EYS: variants seen among roughly 807,000 people sequenced by gnomAD.
The protein encoded by EYS is protein eyes shut homolog.
A neutral mutation model predicts 282.1 loss-of-function variants in EYS; 250 were observed. That is an observed-to-expected ratio of 0.89 (90% CI 0.80 to 0.98). The LOEUF (loss-of-function observed/expected upper bound fraction) is 0.98. Among genes scored for constraint, EYS ranks in the 50% least tolerant of loss-of-function variants. The probability of loss-of-function intolerance (pLI) is 0.00; values close to 1 mark genes in which losing one functional copy is unlikely to be tolerated. For synonymous variants in EYS, 1,355 were observed against 1,282.9 expected (o/e 1.06, Z -1.20); for missense variants, 4,016 against 3,709.0 (o/e 1.08, Z -2.15).
chr6:65,206,635 A>G (rs929188098), intron 12 of EYS, among the ~76,000 whole-genome samples: 12 of 151,812 alleles, frequency 7.9e-5, no homozygotes, highest in Non-Finnish European at 1.6e-4. Flanking sequence ...CCTCAACAAA[A>G]TGCAAGTAAA....
chr6:64,779,552 G>A (rs1159113044), intron 22 of EYS, among the ~76,000 whole-genome samples: 2 of 152,072 alleles, frequency 1.3e-5, no homozygotes, highest in African/African-American at 4.8e-5. Flanking sequence ...GTATAATTCT[G>A]TAATGGTGGA....
intron 9 of EYS, among the ~76,000 whole-genome samples, chr6:65,349,289 C>T (rs1770513339): frequency 6.6e-6 from 1 of 151,518 alleles, no homozygotes; most frequent in South Asian, 2.1e-4. Flanking sequence ...CTATACACCA[C>T]TTGTCCAAAC....
intron 2 of EYS, among the ~76,000 whole-genome samples, chr6:65,617,660 T>C (rs1440505241): frequency 2.0e-5 from 3 of 150,880 alleles, no homozygotes; most frequent in African/African-American, 7.3e-5. Context: ...CACTAACTCG[T>C]CATCTAGCAT....
At chr6:64,528,205 C>A (rs2150529919) in intron 26 of EYS, among the ~76,000 whole-genome samples, 1 of 151,850 alleles carries the variant, frequency 6.6e-6, no homozygotes, top group Non-Finnish European at 1.5e-5. Flanking sequence ...TTCACTTTTA[C>A]CACTCTCTTT....
intron 12 of EYS, among the ~76,000 whole-genome samples, chr6:65,157,906 C>A (rs536372641): frequency 6.6e-6 from 1 of 150,700 alleles, no homozygotes; most frequent in Non-Finnish European, 1.5e-5. Context: ...TCATGTATAG[C>A]GTATTGTGCA....
At chr6:65,140,988 C>G (rs1353626895) in intron 12 of EYS, among the ~76,000 whole-genome samples, 1 of 151,768 alleles carries the variant, frequency 6.6e-6, no homozygotes, top group Non-Finnish European at 1.5e-5. Context: ...CATCCCATTA[C>G]TGGGTATAGA....
At chr6:65,078,941 C>A (rs1412736121) in intron 12 of EYS, among the ~76,000 whole-genome samples, 1 of 151,794 alleles carries the variant, frequency 6.6e-6, no homozygotes, top group South Asian at 2.1e-4. Flanking sequence ...ATGTGACATG[C>A]AAGCTCCTGC....
chr6:64,983,378 T>C (rs1426872447), intron 14 of EYS, among the ~76,000 whole-genome samples: 1 of 151,218 alleles, frequency 6.6e-6, no homozygotes, highest in Non-Finnish European at 1.5e-5. Context: ...AGGGTGAATA[T>C]AAGAAATGCG....
At chr6:65,472,143 G>A (rs1191908216) in intron 5 of EYS, among the ~76,000 whole-genome samples, 1 of 152,014 alleles carries the variant, frequency 6.6e-6, no homozygotes, top group Non-Finnish European at 1.5e-5. Context: ...ATATGTATTT[G>A]TTTAATTACT....
At chr6:63,935,951 T>C (rs1219071792) in intron 35 of EYS, among the ~76,000 whole-genome samples, 1 of 152,198 alleles carries the variant, frequency 6.6e-6, no homozygotes, top group East Asian at 1.9e-4. Flanking sequence ...ATTCACCCTG[T>C]TCCCTCTACC....
At chr6:64,040,826 C>T (rs1346650927) in intron 33 of EYS, among the ~76,000 whole-genome samples, 1 of 152,140 alleles carries the variant, frequency 6.6e-6, no homozygotes, top group East Asian at 1.9e-4. Context: ...GCTCCTTATC[C>T]TCGAGCTCCT....
At chr6:65,161,671 A>G (rs1163526234) in intron 12 of EYS, among the ~76,000 whole-genome samples, 1 of 151,196 alleles carries the variant, frequency 6.6e-6, no homozygotes, top group Admixed American at 6.6e-5. Flanking sequence ...TCTCAAAGAG[A>G]TGTTCTGACA....
intron 5 of EYS, among the ~76,000 whole-genome samples, chr6:65,439,876 A>G (rs946728128): frequency 5.3e-5 from 8 of 152,096 alleles, no homozygotes; most frequent in South Asian, 2.1e-4. Context: ...TAATGGATCT[A>G]TCTTTAAACA....
intron 40 of EYS, among the ~76,000 whole-genome samples, chr6:63,764,300 G>T (rs1388033429): frequency 2.0e-5 from 3 of 151,794 alleles, no homozygotes; most frequent in African/African-American, 7.3e-5. Flanking sequence ...ATTGTATAGG[G>T]TTCTCTAAAA....
At chr6:64,025,322 GC>G (rs1482316092) in intron 33 of EYS, among the ~76,000 whole-genome samples, 1 of 152,128 alleles carries the variant, frequency 6.6e-6, no homozygotes. Flanking sequence ...AAGCTGTGCA[GC>G]TCCGAGGTCC....
At chr6:64,802,577 A>G (rs1764278858) in intron 22 of EYS, among the ~76,000 whole-genome samples, 1 of 152,178 alleles carries the variant, frequency 6.6e-6, no homozygotes, top group Non-Finnish European at 1.5e-5. Flanking sequence ...TTTTAAATTG[A>G]TACTTCTTCA....
At chr6:64,528,991 G>C (rs1004940791) in intron 26 of EYS, among the ~76,000 whole-genome samples, 6 of 151,964 alleles carry the variant, frequency 3.9e-5, no homozygotes, top group African/African-American at 1.4e-4. Flanking sequence ...CTCTTTCCTA[G>C]AGCAAGACAT....
At chr6:64,739,999 G>A (rs755281637) in intron 22 of EYS, among the ~76,000 whole-genome samples, 2 of 152,052 alleles carry the variant, frequency 1.3e-5, no homozygotes, top group Non-Finnish European at 2.9e-5. Flanking sequence ...GAACTCATTA[G>A]CAAAAAATCA....
At chr6:64,291,674 T>C (rs532268531) in intron 30 of EYS, among the ~76,000 whole-genome samples, 1 of 152,154 alleles carries the variant, frequency 6.6e-6, no homozygotes, top group African/African-American at 2.4e-5. Context: ...ATAACAAAAG[T>C]CTATGAATTT....
Sources: gnomAD v4.1 joint callset for allele counts (sites outside exome capture counted in the v4.1 genomes callset) on GRCh38, gnomAD v4.1.1 for gene constraint, MANE v1.5 for transcripts, NCBI Gene and HGNC (gene_info 2026-07-23, HGNC 2026-07-21) for gene names.